Variants in SMAD4 observed in about 807,000 individuals in gnomAD.
The protein encoded by SMAD4 is MAD homolog 4.
A neutral mutation model predicts 63.2 loss-of-function variants in SMAD4; 7 were observed. The observed-to-expected ratio is 0.11, with a 90% CI of 0.06 to 0.21. SMAD4 has a LOEUF of 0.21. SMAD4 is among the 10% of genes least tolerant of loss of function. SMAD4 has a pLI of 1.00. For missense variants in SMAD4, 312 were observed against 693.8 expected (o/e 0.45, Z 6.18); for synonymous variants, 215 against 235.4 (o/e 0.91, Z 0.79).
chr18:51,058,502 G>C (rs888502941), intron 7 of SMAD4, 46 bp downstream of exon 7: 7 of 705,930 alleles, frequency 9.9e-6, no homozygotes, highest in Non-Finnish European at 1.6e-5. Context: ...TTTTTTTTTT[G>C]GTAGGGCTTT....
intron 10 of SMAD4, among the ~76,000 whole-genome samples, chr18:51,070,275 G>C (rs1363238887): frequency 6.6e-6 from 1 of 152,128 alleles, no homozygotes; most frequent in Non-Finnish European, 1.5e-5. Flanking sequence ...ATGTCAAATA[G>C]ATACATTGTG....
At chr18:51,057,983 C>A in intron 5 of SMAD4, 142 bp from the exon 6 acceptor site, 1 of 932,042 alleles carries the variant, frequency 1.1e-6, no homozygotes. Flanking sequence ...GGTTTTTTAC[C>A]TGATAGGCCA....
intron 10 of SMAD4, among the ~76,000 whole-genome samples, chr18:51,070,951 T>G (rs1910299885): frequency 6.6e-6 from 1 of 152,198 alleles, no homozygotes; most frequent in Non-Finnish European, 1.5e-5. Context: ...ATGCCTAATT[T>G]GTAAGTTAAA....
Position 51,047,069 on chromosome 18 carries a change from A to G in SMAD4, c.23A>G (p.Asn8Ser), listed in dbSNP as rs876658568. 1 of 1,613,840 alleles carries G rather than the reference A, an allele frequency of 6.2e-7. No homozygotes were observed. The highest frequency in any genetic ancestry group is 1.7e-5 in the Admixed American group (1 of 60,034). ...CAAATGGACAATATGTCTATTACGA[A>G]TACACCAACAAGTAATGATGCCTGT... MDNMSITNTPTSNDACLS... is the reference protein window; with the variant it reads MDNMSITSTPTSNDACLS... The change falls in exon 2 of 12, where the codon AAT (asparagine) becomes AGT (serine). Residue 8 changes from asparagine to serine, a missense_variant. By Grantham distance (46) the Asn-to-Ser change is conservative. This residue lies in a region of SMAD4 where 37 missense variants were observed against 87.3 expected (regional missense o/e 0.42). Coordinates refer to ENST00000342988, the MANE Select transcript of SMAD4 (RefSeq NM_005359.6).
At chr18:51,045,949 A>G (rs1453213023) in intron 1 of SMAD4, among the ~76,000 whole-genome samples, 2 of 152,140 alleles carry the variant, frequency 1.3e-5, no homozygotes, top group Admixed American at 1.3e-4. Context: ...TATCCATGTT[A>G]TAATTTGTTA....
intron 1 of SMAD4, among the ~76,000 whole-genome samples, chr18:51,043,108 T>C (rs552476923): frequency 6.6e-6 from 1 of 152,350 alleles, no homozygotes; most frequent in African/African-American, 2.4e-5. Context: ...AGTTAGGGCA[T>C]TGTTAAATTT....
Position 51,054,848 on chromosome 18 carries a change from TG to T in SMAD4, c.523del (p.Glu175LysfsTer27), listed in dbSNP as rs748018891. 6.2e-7 allele frequency: 1 copy of T among 1,613,938 alleles called. No individual in the cohort carries two copies. Among genetic ancestry groups the T allele is most frequent in the Admixed American group, 1.7e-5 (1 of 60,024 alleles). On this transcript the variant is annotated frameshift_variant, in exon 5 of 12. Coordinates refer to ENST00000342988, the MANE Select transcript of SMAD4 (RefSeq NM_005359.6). LOFTEE classifies it high-confidence loss of function. ...DFEGQPSLST[E>X]GHSIQTIQHP... ...TTGAGGGACAGCCATCGTTGTCCACTGAAGGACATTCAATTCAAACCATCCA... is the reference window on the plus strand; with the variant it reads ...TTGAGGGACAGCCATCGTTGTCCACTAAGGACATTCAATTCAAACCATCCA...
intron 1 of SMAD4, among the ~76,000 whole-genome samples, chr18:51,040,163 C>T (rs991425235): frequency 1.4e-4 from 21 of 152,152 alleles, no homozygotes; most frequent in Non-Finnish European, 2.6e-4. Context: ...CATGGTGGCT[C>T]ATACCTGTAA....
chr18:51,048,028 T>G (rs905182312), intron 2 of SMAD4, among the ~76,000 whole-genome samples: 3 of 152,258 alleles, frequency 2.0e-5, no homozygotes, highest in Non-Finnish European at 4.4e-5. Context: ...GGTCACATTT[T>G]TCAGGTAGAA....
At chr18:51,073,471 TG>T (rs1910388211) in intron 10 of SMAD4, among the ~76,000 whole-genome samples, 1 of 147,378 alleles carries the variant, frequency 6.8e-6, no homozygotes, top group South Asian at 2.2e-4. Flanking sequence ...AAAGTAGTTG[TG>T]GAGACCTAAA....
At chr18:51,058,591 T>A in intron 7 of SMAD4, 135 bp downstream of exon 7, 1 of 698,786 alleles carries the variant, frequency 1.4e-6, no homozygotes, top group South Asian at 1.7e-5. Context: ...CTTTTCAGTA[T>A]TTTTTGTAAA....
chr18:51,060,577 C>T (rs1388320950), intron 8 of SMAD4, among the ~76,000 whole-genome samples: 1 of 152,082 alleles, frequency 6.6e-6, no homozygotes, highest in African/African-American at 2.4e-5. Flanking sequence ...TTTTTGGAAA[C>T]TATAAACTCA....
In SMAD4 at chr18:51,062,498, A is replaced by G. The variant is rs1176940242; in HGVS notation, c.955+2582A>G. ...TTTTTTGCTCTTTTATTTATTTTTTAAATTTTTATTTATTTATTTTGAGAT... is the reference window on the plus strand; with the variant it reads ...TTTTTTGCTCTTTTATTTATTTTTTGAATTTTTATTTATTTATTTTGAGAT... On this transcript the variant is annotated intron_variant, in intron 8 of 11. Transcript: ENST00000342988. 2.0e-5 allele frequency among the ~76,000 whole-genome samples: 3 copies of G among 151,456 alleles called. No homozygotes were observed. The East Asian group carries it at 5.8e-4, about 29-fold the overall frequency.
At chr18:51,063,185 T>C (rs1239174398) in intron 8 of SMAD4, among the ~76,000 whole-genome samples, 1 of 152,042 alleles carries the variant, frequency 6.6e-6, no homozygotes, top group Non-Finnish European at 1.5e-5. Flanking sequence ...TATAAATACT[T>C]GTTTAAAACA....
Position 51,030,633 on chromosome 18 carries a change from C to G in SMAD4, c.-128+10C>G, listed in dbSNP as rs1419519824. On this transcript the variant is annotated intron_variant, in intron 1 of 11. Transcript: ENST00000342988. ...CACCGCCCGAGCCCAGGTAACCGCG[C>G]CATGTCCCCTCCCCTTCCCCCGGCC... The G allele has an allele frequency of 6.7e-6, 1 of 149,464 alleles. No individual in the cohort carries two copies. The allele number at this position is 149,464 out of a possible 1,614,324, so 9.3% of individuals were successfully genotyped here.
rs2509999 is a variant in SMAD4, at chr18:51,066,763, G to A, written c.1140-256G>A. On this transcript the variant is annotated intron_variant, in intron 9 of 11. Coordinates refer to ENST00000342988, the MANE Select transcript of SMAD4 (RefSeq NM_005359.6). ...TAAAAAAATTAGAATAATAGTACTT[G>A]TTGAGTTGTAAGGGTTTAATGAGAA... 0.99 allele frequency: 395,802 copies of A among 401,580 alleles called. 195,075 individuals carry two copies. The highest frequency in any genetic ancestry group is 1 in the East Asian group (20,474 of 20,476). The allele number at this position is 401,580 out of a possible 1,614,324, so 24.9% of individuals were successfully genotyped here. A position where few individuals can be genotyped will look rare whatever the true frequency, so the allele number is the denominator to read the frequency against.
intron 6 of SMAD4, 23 bp from the exon 7 acceptor site, chr18:51,058,317 C>A (rs2144428201): frequency 1.2e-6 from 2 of 1,609,422 alleles, no homozygotes; most frequent in Non-Finnish European, 1.7e-6. Context: ...AGCAAATTAA[C>A]CCATGTGGGC....
At position 51,078,525 on chromosome 18, in the gene SMAD4, C is replaced by T. The variant is rs2144480306; in HGVS notation, c.*58C>T. 8.7e-7 allele frequency: 1 copy of T among 1,154,306 alleles called. No homozygotes were observed. The highest frequency in any genetic ancestry group is 1.3e-6 in the Non-Finnish European group (1 of 778,994). The allele number at this position is 1,154,306 out of a possible 1,614,324, so 71.5% of individuals were successfully genotyped here. ...AGGATGGTGGACTACAAAATACAAT[C>T]CTGTTTATAATCTGAAGATATATTT... On this transcript the variant is annotated 3_prime_UTR_variant, in exon 12 of 12. Transcript: ENST00000342988.
Position 51,080,979 on chromosome 18 carries a change from T to C in SMAD4, c.*2512T>C, listed in dbSNP as rs1021821396. On this transcript the variant is annotated 3_prime_UTR_variant, in exon 12 of 12. Coordinates refer to ENST00000342988, the MANE Select transcript of SMAD4 (RefSeq NM_005359.6). ...TTTCTTTCTACTAAGAGCCATAAAG[T>C]ATAGAAATACTTCTAGTTGTTAAGT... The C allele has an allele frequency of 9.8e-6, 2 of 203,074 alleles. No individual in the cohort carries two copies. Among genetic ancestry groups the C allele is most frequent in the Non-Finnish European group, 2.0e-5 (2 of 99,056 alleles). 12.6% of individuals were successfully genotyped at this position (203,074 alleles called of 1,614,324 possible).
Sources: gnomAD v4.1 joint callset for allele counts (sites outside exome capture counted in the v4.1 genomes callset) on GRCh38, gnomAD v4.1.1 for gene constraint, gnomAD v4.1.1 regional missense constraint, MANE v1.5 for transcripts, NCBI Gene and HGNC (gene_info 2026-07-23, HGNC 2026-07-21) for gene names.